The following ESR1 variants were observed in gnomAD, a reference collection of about 807,000 sequenced individuals.
ESR1 encodes estrogen receptor 1.
A neutral mutation model predicts 52.7 loss-of-function variants in ESR1; 12 were observed. The ratio of observed to expected loss-of-function variants is 0.23; its 90% CI spans 0.15 to 0.37. The LOEUF is 0.37. Ranked by LOEUF, ESR1 falls within the 10% of genes least tolerant of loss-of-function variation. ESR1 has a pLI of 1.00. For synonymous variants in ESR1, 305 were observed against 316.8 expected (o/e 0.96, Z 0.39); for missense variants, 584 against 779.7 (o/e 0.75, Z 2.99).
At chr6:151,809,250 C>T (rs1778408754) in intron 1 of ESR1, 1 of 416,658 alleles carries the variant, frequency 2.4e-6, no homozygotes, top group South Asian at 1.7e-5. Context: ...CAGGAGACCA[C>T]TTTGTGACTT....
At chr6:152,046,603 G>A (rs997953737) in intron 5 of ESR1, among the ~76,000 whole-genome samples, 5 of 152,152 alleles carry the variant, frequency 3.3e-5, no homozygotes, top group Non-Finnish European at 7.4e-5. Flanking sequence ...GGCAAAGATT[G>A]TCCATAGTAA....
intron 2 of ESR1, among the ~76,000 whole-genome samples, chr6:151,849,770 A>G (rs1785950878): frequency 6.6e-6 from 1 of 151,526 alleles, no homozygotes; most frequent in South Asian, 2.1e-4. Context: ...AAGCATGCAA[A>G]TAAATGGTAG....
chr6:151,789,447 T>G (rs969238119), intron 2 of ESR1, among the ~76,000 whole-genome samples: 6 of 152,218 alleles, frequency 3.9e-5, no homozygotes, highest in African/African-American at 1.4e-4. Context: ...TGACCCTAGT[T>G]AGTCTAAACT....
chr6:152,011,661 G>C lies in ESR1; in HGVS notation c.1102G>C (p.Val368Leu), dbSNP rs146553338. Reference protein sequence around the residue: ...INWAKRVPGFVDLTLHDQVHL... With the variant: ...INWAKRVPGFLDLTLHDQVHL... The stretch of plus-strand genomic sequence containing the variant: ...TTTTTCTTGCTTGTTTTCAGGCTTT[G>C]TGGATTTGACCCTCCATGATCAGGT... Residue 368 changes from valine to leucine, a missense_variant, in exon 5 of 8, where the codon GTG becomes CTG. By Grantham distance (32) the Val-to-Leu change is conservative. Around this residue, in one of 6 missense-constraint regions of ESR1, gnomAD observed 141 missense variants for 289.3 expected, o/e 0.49. Coordinates refer to ENST00000206249, the MANE Select transcript of ESR1 (RefSeq NM_000125.4). The C allele has an allele frequency of 3.1e-6, 5 of 1,612,996 alleles. No individual in the cohort carries two copies. In the African/African-American group the frequency reaches 6.7e-5, roughly 22 times the overall value.
At chr6:152,117,513 G>A (rs74904906) in intron 6 of ESR1, among the ~76,000 whole-genome samples, 2,812 of 152,236 alleles carry the variant, frequency 0.018, 84 homozygotes, top group African/African-American at 0.065. Flanking sequence ...TCTTGTATTA[G>A]GTAACAGGTT....
At chr6:151,876,957 C>T (rs1791927584) in intron 2 of ESR1, among the ~76,000 whole-genome samples, 1 of 150,560 alleles carries the variant, frequency 6.6e-6, no homozygotes. Context: ...CGAGTCCTGT[C>T]TTTTCAGTTA....
intron 4 of ESR1, among the ~76,000 whole-genome samples, chr6:152,010,535 T>G (rs1286663295): frequency 1.3e-5 from 2 of 152,022 alleles, no homozygotes; most frequent in Non-Finnish European, 2.9e-5. Context: ...AGGGGGCTGA[T>G]TTGGAAGGCA....
intron 1 of ESR1, among the ~76,000 whole-genome samples, chr6:151,680,535 G>T (rs1254089941): frequency 6.6e-6 from 1 of 152,096 alleles, no homozygotes; most frequent in African/African-American, 2.4e-5. Context: ...TCATGTAGCA[G>T]AAAGAGATCA....
At chr6:151,661,355 T>C (rs1026676873) in intron 1 of ESR1, among the ~76,000 whole-genome samples, 3 of 152,138 alleles carry the variant, frequency 2.0e-5, no homozygotes, top group African/African-American at 7.2e-5. Context: ...GAGAGGCAAG[T>C]GGAGGGTAAA....
At chr6:151,675,525 T>C (rs143991879) in intron 1 of ESR1, among the ~76,000 whole-genome samples, 47 of 152,106 alleles carry the variant, frequency 3.1e-4, no homozygotes, top group African/African-American at 1.1e-3. Context: ...ACTACTATTA[T>C]AGGAAATTTG....
chr6:151,933,667 G>A (rs1013357407), intron 3 of ESR1, among the ~76,000 whole-genome samples: 2 of 152,128 alleles, frequency 1.3e-5, no homozygotes, highest in Admixed American at 6.6e-5. Context: ...AGCATGAAGA[G>A]TTGTTGAATT....
chr6:151,991,733 T>C (rs892087654), intron 4 of ESR1, among the ~76,000 whole-genome samples: 1 of 152,146 alleles, frequency 6.6e-6, no homozygotes, highest in Non-Finnish European at 1.5e-5. Flanking sequence ...TAGAAGTACT[T>C]CTGCTTCACG....
chr6:151,809,559 T>C (rs973424136), intron 1 of ESR1, among the ~76,000 whole-genome samples: 1 of 152,172 alleles, frequency 6.6e-6, no homozygotes, highest in Admixed American at 6.5e-5. Context: ...TCCCTATATC[T>C]TTCTGCCTTG....
At chr6:151,782,560 G>A (rs112489543) in intron 2 of ESR1, among the ~76,000 whole-genome samples, 1 of 151,966 alleles carries the variant, frequency 6.6e-6, no homozygotes, top group African/African-American at 2.4e-5. Flanking sequence ...AATATTTAAA[G>A]GTATGGTATA....
intron 3 of ESR1, chr6:151,936,058 A>G (rs1251707461): frequency 1.3e-5 from 2 of 152,134 alleles, no homozygotes; most frequent in East Asian, 3.9e-4. Context: ...AAAGAGTAAT[A>G]TTTGCATTGT....
intron 2 of ESR1, among the ~76,000 whole-genome samples, chr6:151,757,033 C>T (rs544114674): frequency 6.6e-6 from 1 of 151,952 alleles, no homozygotes; most frequent in Non-Finnish European, 1.5e-5. Flanking sequence ...AATAAATGAT[C>T]TCACAGGATA....
chr6:152,074,963 A>G (rs1422774593), intron 6 of ESR1, among the ~76,000 whole-genome samples: 1 of 152,116 alleles, frequency 6.6e-6, no homozygotes, highest in African/African-American at 2.4e-5. Context: ...TGAGTTTTAA[A>G]AGCTCTTTGT....
At chr6:151,804,147 A>G (rs1054705710), upstream of ESR1, among the ~76,000 whole-genome samples, 3 of 152,146 alleles carry the variant, frequency 2.0e-5, no homozygotes, top group South Asian at 2.1e-4. Context: ...AGCACAGTAT[A>G]CTTTCCCACC....
At chr6:152,075,257 T>A (rs184735975) in intron 6 of ESR1, among the ~76,000 whole-genome samples, 1 of 152,308 alleles carries the variant, frequency 6.6e-6, no homozygotes, top group East Asian at 1.9e-4. Flanking sequence ...TTACATGAGG[T>A]TCACCTTTTT....
Sources: gnomAD v4.1 joint callset for allele counts (sites outside exome capture counted in the v4.1 genomes callset) on GRCh38, gnomAD v4.1.1 for gene constraint, gnomAD v4.1.1 regional missense constraint, MANE v1.5 for transcripts, NCBI Gene and HGNC (gene_info 2026-07-23, HGNC 2026-07-21) for gene names.